Variants in CMBL observed in about 807,000 individuals in gnomAD.
The protein encoded by CMBL is carboxymethylenebutenolidase homolog, also known as carboxymethylenebutenolidase homolog (Pseudomonas).
A neutral mutation model predicts 28.7 loss-of-function variants in CMBL; 17 were observed. The ratio of observed to expected loss-of-function variants is 0.59; its 90% CI spans 0.41 to 0.89. CMBL has a LOEUF of 0.89. Among genes scored for constraint, CMBL ranks in the 40% least tolerant of loss-of-function variants. The pLI is 0.00. For missense variants in CMBL, 310 were observed against 298.5 expected, an observed-to-expected ratio of 1.04 and a Z score of -0.28; for synonymous variants, 106 against 101.6, an observed-to-expected ratio of 1.04 and a Z score of -0.26.
intron 4 of CMBL, among the ~76,000 whole-genome samples, chr5:10,283,932 TTAAGA>T (rs1477329537): frequency 1.3e-5 from 2 of 152,240 alleles, no homozygotes; most frequent in African/African-American, 2.4e-5. Context: ...GTTAACCATT[TTAAGA>T]TAAGAAGACG....
chr5:10,298,015 G>A (rs534617518), intron 1 of CMBL, among the ~76,000 whole-genome samples: 21 of 152,176 alleles, frequency 1.4e-4, no homozygotes, highest in Non-Finnish European at 2.5e-4. Context: ...AGTACGTATG[G>A]CTGTTTCCTC....
rs780957157 is a variant in CMBL at position 10,286,360 on chromosome 5, C to T, written c.460G>A (p.Val154Ile). 9.9e-6 allele frequency: 16 copies of T among 1,613,426 alleles called. No homozygotes were observed. The highest frequency in any genetic ancestry group is 2.2e-5 in the East Asian group (1 of 44,888). ...KYSEFRAGVSVYGIVKDSEDI... is the reference protein window; with the variant it reads ...KYSEFRAGVSIYGIVKDSEDI... ...ATGCACAAGGCAGATTTACCATAGA[C>T]GGACACCCCTGCCCTGAATTCTGAG... The change falls in exon 4 of 6, where the codon GTC (valine) becomes ATC (isoleucine). Residue 154 changes from valine to isoleucine, a missense_variant. Physicochemically the swap from Val to Ile is conservative, Grantham distance 29. Coordinates refer to ENST00000296658, the MANE Select transcript of CMBL (RefSeq NM_138809.4).
chr5:10,290,570 T>C lies in CMBL; in HGVS notation c.193A>G (p.Met65Val). The change falls in exon 2 of 6, where the codon ATG becomes GTG. Residue 65 changes from methionine to valine, a missense_variant. Met to Val is a conservative substitution (Grantham distance 21). Coordinates refer to ENST00000296658, the MANE Select transcript of CMBL (RefSeq NM_138809.4). ...QLPNTRYIAD[M>V]ISGNGYTTIV... is the part of the protein sequence containing the mutation. ...TACGTGTATCCATTTCCTGAGATCATGTCAGCTATATATCTGGTATTGGGC... is the reference window on the plus strand; with the variant it reads ...TACGTGTATCCATTTCCTGAGATCACGTCAGCTATATATCTGGTATTGGGC... 4 of 1,613,946 alleles carry C rather than the reference T, an allele frequency of 2.5e-6. No individual in the cohort carries two copies. The highest frequency in any genetic ancestry group is 1.1e-5 in the South Asian group (1 of 91,084).
intron 1 of CMBL, among the ~76,000 whole-genome samples, chr5:10,303,797 A>G (rs1746951935): frequency 6.6e-6 from 1 of 152,198 alleles, no homozygotes; most frequent in Admixed American, 6.5e-5. Context: ...GGCTAAACAG[A>G]AACTAGCCTC....
chr5:10,294,274 C>G (rs1050624185), intron 1 of CMBL, among the ~76,000 whole-genome samples: 1 of 152,138 alleles, frequency 6.6e-6, no homozygotes, highest in Non-Finnish European at 1.5e-5. Context: ...CTTTATTTGA[C>G]TTGATTTACA....
At position 10,279,089 on chromosome 5, in the gene CMBL, G is replaced by GTGGTA. The variant is rs1215229440; in HGVS notation, c.*1363_*1364insTACCA. Among the ~76,000 whole-genome samples, 2 of 152,184 alleles carry GTGGTA rather than the reference G, an allele frequency of 1.3e-5. No individual in the cohort carries two copies. Among genetic ancestry groups the GTGGTA allele is most frequent in the East Asian group, 3.8e-4 (2 of 5,200 alleles). ...CACATGTACGCACCCCGTAGGTGCAGGTGCAGAGTTTCTCACCGGCTCTCC... is the reference window on the plus strand; with the variant it reads ...CACATGTACGCACCCCGTAGGTGCAGTGGTAGTGCAGAGTTTCTCACCGGCTCTCC... On this transcript the variant is annotated 3_prime_UTR_variant, in exon 6 of 6. Transcript: ENST00000296658.
chr5:10,302,382 A>G (rs1169211123), intron 1 of CMBL, among the ~76,000 whole-genome samples: 2 of 152,020 alleles, frequency 1.3e-5, no homozygotes, highest in Non-Finnish European at 2.9e-5. Flanking sequence ...TCAGTGGCTC[A>G]TGCCTATAAT....
intron 4 of CMBL, chr5:10,286,002 T>G: frequency 5.7e-6 from 1 of 176,338 alleles, no homozygotes; most frequent in Non-Finnish European, 1.2e-5. Flanking sequence ...AGAAAAATAT[T>G]TTCATAGATG....
chr5:10,305,565 T>G (rs997040049), intron 1 of CMBL, among the ~76,000 whole-genome samples: 14 of 151,714 alleles, frequency 9.2e-5, no homozygotes, highest in African/African-American at 3.1e-4. Context: ...TGAGTGTTTT[T>G]TGTTTTTTGT....
At chr5:10,297,011 C>A (rs1445166457) in intron 1 of CMBL, among the ~76,000 whole-genome samples, 2 of 151,994 alleles carry the variant, frequency 1.3e-5, no homozygotes, top group Non-Finnish European at 2.9e-5. Context: ...ATGGTAAAAA[C>A]CCGTCTCTAC....
intron 4 of CMBL, among the ~76,000 whole-genome samples, chr5:10,283,292 G>A (rs897492635): frequency 5.3e-5 from 8 of 152,144 alleles, no homozygotes; most frequent in African/African-American, 1.9e-4. Flanking sequence ...TTACAAAGAG[G>A]ATCAATGTCA....
At chr5:10,291,252 A>G (rs1314780970) in intron 1 of CMBL, among the ~76,000 whole-genome samples, 2 of 152,202 alleles carry the variant, frequency 1.3e-5, no homozygotes, top group Admixed American at 1.3e-4. Context: ...TCGAGCCCCA[A>G]AGGTTCATGT....
chr5:10,302,926 T>C (rs1746935233), intron 1 of CMBL, among the ~76,000 whole-genome samples: 1 of 152,202 alleles, frequency 6.6e-6, no homozygotes, highest in African/African-American at 2.4e-5. Flanking sequence ...CTCTTTCTGA[T>C]CCTGAAAAGA....
chr5:10,286,262 GT>G, intron 4 of CMBL, 91 bp downstream of exon 4: 1 of 1,256,058 alleles, frequency 8.0e-7, no homozygotes, highest in Admixed American at 2.1e-5. Flanking sequence ...ATTATTGGGG[GT>G]TGTGTTACAC....
Position 10,286,414 on chromosome 5 carries a change from T to C in CMBL, c.406A>G (p.Thr136Ala). The change falls in exon 4 of 6, where the codon ACT becomes GCT. Residue 136 changes from threonine to alanine, a missense_variant. By Grantham distance (58) the Thr-to-Ala change is moderately conservative. Transcript: ENST00000296658. ...IGIVGFCWGG[T>A]AVHHLMMKYS... ...TTCATCATCAAATGATGGACAGCAG[T>C]TCCACCCCAGCAGAATCCCACGATG... The C allele has an allele frequency of 6.2e-7, 1 of 1,614,064 alleles. No homozygotes were observed. The highest frequency in any genetic ancestry group is 1.1e-5 in the South Asian group (1 of 91,064).
rs1305228703 is a variant in CMBL, at chr5:10,289,093, GT to G, written c.216-565del. Among the ~76,000 whole-genome samples, 7 of 152,200 alleles carry G rather than the reference GT, an allele frequency of 4.6e-5. No individual in the cohort carries two copies. Among genetic ancestry groups the G allele is most frequent in the Admixed American group, 4.6e-4 (7 of 15,280 alleles). On this transcript the variant is annotated intron_variant, in intron 2 of 5. Coordinates refer to ENST00000296658, the MANE Select transcript of CMBL (RefSeq NM_138809.4). The surrounding 1 kb of genome is among the most constrained non-coding windows in gnomAD (Gnocchi z 4.3). ...CAGTCCAGGTCGCTCTTCCATGCAA[GT>G]CAACCCAGAGGGATAGAGCCAGCCG... is the stretch of plus-strand genomic sequence containing the variant.
At position 10,290,801 on chromosome 5, in the gene CMBL, C is replaced by T. The variant is rs139126524; in HGVS notation, c.-19-20G>A. ...GTCGGGCTATGGAGAGAGAAACATG[C>T]GTTATATTCTGAATGCTGCAAATCT... On this transcript the variant is annotated intron_variant, in intron 1 of 5. Transcript: ENST00000296658. 6.6e-4 allele frequency: 1,016 copies of T among 1,537,372 alleles called. 7 individuals carry two copies. In the African/African-American group the frequency reaches 0.011, roughly 17 times the overall value.
At position 10,307,791 on chromosome 5, in the gene CMBL, C is replaced by G. The variant is rs1176680744; in HGVS notation, c.-186G>C. 1.3e-5 allele frequency: 2 copies of G among 151,836 alleles called. No homozygotes were observed. Among genetic ancestry groups the G allele is most frequent in the African/African-American group, 4.8e-5 (2 of 41,244 alleles). 9.4% of individuals were successfully genotyped at this position (151,836 alleles called of 1,614,324 possible). Reference sequence around the variant, plus strand: ...CGTAGCCTCCTGGGAGAGCCAAGCCCGGAGGGGGCGGAGAGGTGGAGGAGG... The same window carrying G: ...CGTAGCCTCCTGGGAGAGCCAAGCCGGGAGGGGGCGGAGAGGTGGAGGAGG... On this transcript the variant is annotated 5_prime_UTR_variant, in exon 1 of 6. Coordinates refer to ENST00000296658, the MANE Select transcript of CMBL (RefSeq NM_138809.4).
intron 1 of CMBL, among the ~76,000 whole-genome samples, chr5:10,292,687 G>C (rs554579280): frequency 5.7e-4 from 87 of 152,154 alleles, no homozygotes; most frequent in Non-Finnish European, 1.1e-3. Context: ...AGCCGGGTGT[G>C]GTGGCAGGCG....
Sources: allele counts gnomAD v4.1 joint callset (sites outside exome capture counted in the v4.1 genomes callset), GRCh38; gene constraint gnomAD v4.1.1; non-coding constraint Gnocchi (gnomAD v3.1); transcripts MANE v1.5; gene names NCBI Gene and HGNC (gene_info 2026-07-23, HGNC 2026-07-21).